ATP9B: variants seen among roughly 807,000 people sequenced by gnomAD.
The protein encoded by ATP9B is ATPase phospholipid transporting 9B, also known as probable phospholipid-transporting ATPase IIB.
Under a neutral mutation model 146.1 loss-of-function variants are expected in ATP9B, and 110 were observed. The observed-to-expected ratio is 0.75, with a 90% CI of 0.65 to 0.88. The LOEUF (loss-of-function observed/expected upper bound fraction) is 0.88. Among genes scored for constraint, ATP9B ranks in the 40% least tolerant of loss-of-function variants. The pLI is 0.00. For synonymous variants in ATP9B, 604 were observed against 569.7 expected (o/e 1.06, Z -0.86); for missense variants, 1,499 against 1,496.4 (o/e 1.00, Z -0.03).
intron 11 of ATP9B, among the ~76,000 whole-genome samples, chr18:79,216,408 T>G (rs1391720347): frequency 6.6e-6 from 1 of 152,164 alleles, no homozygotes; most frequent in Non-Finnish European, 1.5e-5. Context: ...CCCTCCCCTC[T>G]CTGAAGTGGG....
At position 79,143,865 on chromosome 18, in the gene ATP9B, A is replaced by G. The variant is rs746517990; in HGVS notation, c.726+5A>G. 1.3e-6 allele frequency: 2 copies of G among 1,555,634 alleles called. No individual in the cohort carries two copies. The highest frequency in any genetic ancestry group is 1.4e-5 in the African/African-American group (1 of 72,890). On this transcript the variant is annotated splice_donor_5th_base_variant and intron_variant, in intron 6 of 29. Transcript: ENST00000426216. ...GACCTCATCATAGTGGAAAAGGTTGATGATTTTTTAATATATTTTAGACCT... is the reference window on the plus strand; with the variant it reads ...GACCTCATCATAGTGGAAAAGGTTGGTGATTTTTTAATATATTTTAGACCT...
At chr18:79,376,136 G>GC in intron 29 of ATP9B, 1 of 974,926 alleles carries the variant, frequency 1.0e-6, no homozygotes, top group Non-Finnish European at 1.2e-6. Context: ...GCCCTCTGTT[G>GC]CCCCCAGCCC....
At chr18:79,189,105 T>A (rs1239350767) in intron 8 of ATP9B, among the ~76,000 whole-genome samples, 1 of 152,088 alleles carries the variant, frequency 6.6e-6, no homozygotes, top group South Asian at 2.1e-4. Flanking sequence ...TCCCAGCACT[T>A]TGGGAGGCTG....
chr18:79,371,390 A>C (rs1313234976), intron 26 of ATP9B, among the ~76,000 whole-genome samples: 13 of 151,384 alleles, frequency 8.6e-5, no homozygotes, highest in Admixed American at 5.3e-4. Flanking sequence ...AAAAAAAAAA[A>C]AAAAAAAAAA....
chr18:79,123,481 C>A (rs1201364502), intron 4 of ATP9B, among the ~76,000 whole-genome samples: 1 of 149,718 alleles, frequency 6.7e-6, no homozygotes, highest in East Asian at 1.9e-4. Flanking sequence ...CAAACTGACA[C>A]ACAAATTTAA....
Position 79,372,193 on chromosome 18 carries a change from CCT to C in ATP9B, c.3013-630_3013-629del, listed in dbSNP as rs1376440701. Among the ~76,000 whole-genome samples, 43 of 52,110 alleles carry C rather than the reference CCT, an allele frequency of 8.3e-4. 1 individual carries two copies. The highest frequency in any genetic ancestry group is 2.5e-3 in the African/African-American group (40 of 16,290). 34.2% of individuals were successfully genotyped at this position (52,110 alleles called of 152,430 possible). A position where few individuals can be genotyped will look rare whatever the true frequency, so the allele number is the denominator to read the frequency against. ...GCCAGAGCTCCCCTGCCTCCTGCCC[CCT>C]CGTCCCCTGCCTCCTGCCCCCTCGT... On this transcript the variant is annotated intron_variant, in intron 26 of 29. Transcript: ENST00000426216.
At chr18:79,311,131 G>T (rs1025060169) in intron 15 of ATP9B, among the ~76,000 whole-genome samples, 1 of 150,298 alleles carries the variant, frequency 6.7e-6, no homozygotes, top group Non-Finnish European at 1.5e-5. Context: ...CAGCCTGGGC[G>T]ACAGAGCAAG....
At chr18:79,272,691 T>G (rs1356457167) in intron 12 of ATP9B, among the ~76,000 whole-genome samples, 1 of 152,232 alleles carries the variant, frequency 6.6e-6, no homozygotes, top group East Asian at 1.9e-4. Context: ...GCTCAGGCTC[T>G]TCATTTGCCA....
chr18:79,212,702 A>G (rs1246975069), intron 10 of ATP9B, among the ~76,000 whole-genome samples: 1 of 152,166 alleles, frequency 6.6e-6, no homozygotes, highest in Non-Finnish European at 1.5e-5. Flanking sequence ...GTATTGTATT[A>G]TATATTTAAT....
chr18:79,128,622 G>T (rs2147221246), intron 5 of ATP9B, among the ~76,000 whole-genome samples: 1 of 152,284 alleles, frequency 6.6e-6, no homozygotes, highest in Non-Finnish European at 1.5e-5. Context: ...CATTGTCTTT[G>T]TAAGAATATA....
At chr18:79,360,334 A>G (rs933391922) in intron 26 of ATP9B, 7 of 152,244 alleles carry the variant, frequency 4.6e-5, no homozygotes, top group Admixed American at 2.0e-4. Flanking sequence ...CAGATTTTTA[A>G]AGCAGTAGCT....
chr18:79,160,090 T>G (rs2094854679), intron 7 of ATP9B, among the ~76,000 whole-genome samples: 1 of 152,250 alleles, frequency 6.6e-6, no homozygotes. Flanking sequence ...TATTTTTGTG[T>G]CTTTGTTGCT....
intron 14 of ATP9B, among the ~76,000 whole-genome samples, chr18:79,306,403 G>A (rs1464970426): frequency 6.6e-6 from 1 of 152,218 alleles, no homozygotes; most frequent in Non-Finnish European, 1.5e-5. Context: ...CTTGCTTTAA[G>A]AGAGCAGGAT....
At chr18:79,343,410 C>A (rs1440823139) in intron 20 of ATP9B, among the ~76,000 whole-genome samples, 1 of 152,114 alleles carries the variant, frequency 6.6e-6, no homozygotes, top group Non-Finnish European at 1.5e-5. Context: ...AAAATCTCCA[C>A]AGAAGGAATA....
At chr18:79,339,204 T>C (rs1306826149) in intron 19 of ATP9B, among the ~76,000 whole-genome samples, 2 of 115,972 alleles carry the variant, frequency 1.7e-5, no homozygotes, top group Admixed American at 1.9e-4. Flanking sequence ...GGCTGTATCA[T>C]ATCCATCTGA....
rs1479263166 is a variant in ATP9B at position 79,364,593 on chromosome 18, G to A, written c.3012+5131G>A. ...CCCAAAGTGGACCCTTGACCTATAT[G>A]TAAAGCTATAAACCTTTCAGAAGAA... On this transcript the variant is annotated intron_variant, in intron 26 of 29. Coordinates refer to ENST00000426216, the MANE Select transcript of ATP9B (RefSeq NM_198531.5). Among the ~76,000 whole-genome samples the A allele has an allele frequency of 3.3e-5, 5 of 152,176 alleles. No individual in the cohort carries two copies. The East Asian group carries it at 9.6e-4, about 29-fold the overall frequency.
intron 4 of ATP9B, among the ~76,000 whole-genome samples, chr18:79,122,144 A>G (rs138702145): frequency 1.3e-5 from 2 of 152,326 alleles, no homozygotes; most frequent in East Asian, 3.9e-4. Context: ...TTTTCAGGTG[A>G]TTATGATATG....
chr18:79,332,244 A>G (rs894509908), intron 17 of ATP9B, among the ~76,000 whole-genome samples: 5 of 152,120 alleles, frequency 3.3e-5, no homozygotes, highest in South Asian at 4.1e-4. Context: ...CCTGGCTAAC[A>G]CGGTGAAACC....
Position 79,144,638 on chromosome 18 carries a change from G to A in ATP9B, c.726+778G>A, listed in dbSNP as rs540024920. The A allele has an allele frequency of 5.3e-5, 8 of 152,236 alleles. No homozygotes were observed. The South Asian group carries it at 1.0e-3, about 20-fold the overall frequency. The allele number at this position is 152,236 out of a possible 1,614,324, so 9.4% of individuals were successfully genotyped here. On this transcript the variant is annotated intron_variant, in intron 6 of 29. Transcript: ENST00000426216. ...CCATTCTTGAAAGGCCCGGGGTTAGGGACCTCTGCTTTAAATCATCTCTAG... is the reference window on the plus strand; with the variant it reads ...CCATTCTTGAAAGGCCCGGGGTTAGAGACCTCTGCTTTAAATCATCTCTAG...
Sources: allele counts gnomAD v4.1 joint callset (sites outside exome capture counted in the v4.1 genomes callset), GRCh38; gene constraint gnomAD v4.1.1; transcripts MANE v1.5; gene names NCBI Gene and HGNC (gene_info 2026-07-23, HGNC 2026-07-21).